The following PPEF2 variants were observed in gnomAD, a reference collection of about 807,000 sequenced individuals.
PPEF2 encodes the protein serine/threonine-protein phosphatase with EF-hands 2.
PPEF2 carries 84 observed loss-of-function variants against 84.7 expected under a neutral mutation model. The observed-to-expected ratio is 0.99, with a 90% CI of 0.83 to 1.19. The LOEUF (loss-of-function observed/expected upper bound fraction) is 1.19, where lower values mean the gene tolerates loss of function less well. PPEF2 is among the 50% of genes most tolerant of loss of function. The probability of loss-of-function intolerance (pLI) is 0.00; values close to 1 mark genes in which losing one functional copy is unlikely to be tolerated. For synonymous variants in PPEF2, 346 were observed against 345.2 expected (o/e 1.00, Z -0.03); for missense variants, 924 against 937.5 (o/e 0.99, Z 0.19).
At chr4:75,881,102 ATTTTT>A (rs33943154) in intron 10 of PPEF2, among the ~76,000 whole-genome samples, 1 of 138,106 alleles carries the variant, frequency 7.2e-6, no homozygotes, top group African/African-American at 2.7e-5. Flanking sequence ...ATCCAGCATA[ATTTTT>A]TTTTTTTTTT....
At position 75,871,927 on chromosome 4, in the gene PPEF2, C is replaced by T. The variant is rs142351049; in HGVS notation, c.1649+98G>A. On this transcript the variant is annotated intron_variant, in intron 13 of 16. Transcript: ENST00000286719. ...GACATAGCCAAATTCTGAATTCTCACGTAGAATTTGAATAAATATAACGTT... is the reference window on the plus strand; with the variant it reads ...GACATAGCCAAATTCTGAATTCTCATGTAGAATTTGAATAAATATAACGTT... 49 of 1,318,410 alleles carry T rather than the reference C, an allele frequency of 3.7e-5. 1 individual carries two copies. The Admixed American group carries it at 3.9e-4, about 10-fold the overall frequency. 81.7% of individuals were successfully genotyped at this position (1,318,410 alleles called of 1,614,324 possible).
intron 11 of PPEF2, 59 bp from the exon 12 acceptor site, chr4:75,873,371 C>A: frequency 1.4e-6 from 2 of 1,428,946 alleles, no homozygotes; most frequent in South Asian, 2.7e-5. Flanking sequence ...CATCCACAGT[C>A]ATTCAAATGA....
Position 75,889,956 on chromosome 4 carries a change from C to G in PPEF2, c.417+1G>C. 1 of 1,614,100 alleles carries G rather than the reference C, an allele frequency of 6.2e-7. No individual in the cohort carries two copies. Among genetic ancestry groups the G allele is most frequent in the South Asian group, 1.1e-5 (1 of 91,070 alleles). ...GACCCAGGTTCCCCAGGTGAGCTTACTTGTTTCAGTCTGAATGCTTCTACC... is the reference window on the plus strand; with the variant it reads ...GACCCAGGTTCCCCAGGTGAGCTTAGTTGTTTCAGTCTGAATGCTTCTACC... On this transcript the variant is annotated splice_donor_variant, in intron 5 of 16. Coordinates refer to ENST00000286719, the MANE Select transcript of PPEF2 (RefSeq NM_006239.3). LOFTEE classifies it high-confidence loss of function.
At chr4:75,896,638 C>T (rs572679525) in intron 1 of PPEF2, among the ~76,000 whole-genome samples, 8 of 152,284 alleles carry the variant, frequency 5.3e-5, no homozygotes, top group Admixed American at 1.3e-4. Context: ...GCAATTCATC[C>T]GCCACCTCCT....
intron 13 of PPEF2, among the ~76,000 whole-genome samples, chr4:75,870,593 C>T (rs1363343619): frequency 6.6e-6 from 1 of 152,148 alleles, no homozygotes; most frequent in Non-Finnish European, 1.5e-5. Flanking sequence ...ATCTTATATA[C>T]TCTGAGGCCA....
intron 16 of PPEF2, among the ~76,000 whole-genome samples, chr4:75,861,794 A>G (rs1724008764): frequency 7.1e-6 from 1 of 140,322 alleles, no homozygotes. Context: ...TATTTTTAGT[A>G]GAGACGGGGT....
rs1235715210 is a variant in PPEF2 at position 75,876,796 on chromosome 4, G to A, written c.934-123C>T. On this transcript the variant is annotated intron_variant, in intron 10 of 16. Transcript: ENST00000286719. ...TGAGCCCAGCAGAACACTCAAGCCC[G>A]GGAGTTCAAGACCAGCTTGAGCAAC... The A allele has an allele frequency of 7.4e-6, 8 of 1,082,870 alleles. No individual in the cohort carries two copies. The East Asian group carries it at 8.0e-5, about 11-fold the overall frequency. 67.1% of individuals were successfully genotyped at this position (1,082,870 alleles called of 1,614,324 possible).
chr4:75,877,006 A>AAAAGAAAGAAAGAAAG lies in PPEF2; in HGVS notation c.934-349_934-334dup, dbSNP rs71657381. ...CTGAGCAACAGAGGGAGACCCTGAA[A>AAAAGAAAGAAAGAAAG]AAAGAAAGAAAGAAAGAAAGAAAGA... is the stretch of plus-strand genomic sequence containing the variant. On this transcript the variant is annotated intron_variant, in intron 10 of 16. Coordinates refer to ENST00000286719, the MANE Select transcript of PPEF2 (RefSeq NM_006239.3). Among the ~76,000 whole-genome samples, 246 of 53,640 alleles carry AAAAGAAAGAAAGAAAG rather than the reference A, an allele frequency of 4.6e-3. 57 individuals are homozygous for AAAAGAAAGAAAGAAAG. Among genetic ancestry groups the AAAAGAAAGAAAGAAAG allele is most frequent in the East Asian group, 0.023 (27 of 1,166 alleles). 35.2% of individuals were successfully genotyped at this position (53,640 alleles called of 152,430 possible).
intron 16 of PPEF2, among the ~76,000 whole-genome samples, chr4:75,862,514 A>C (rs909902971): frequency 1.2e-4 from 18 of 152,056 alleles, no homozygotes; most frequent in African/African-American, 4.1e-4. Context: ...TTTCTCCAAA[A>C]GAGATATACA....
rs1042681098 is a variant in PPEF2 at position 75,862,481 on chromosome 4, T to A, written c.2009-1561A>T. 5.3e-5 allele frequency among the ~76,000 whole-genome samples: 8 copies of A among 151,854 alleles called. No individual in the cohort carries two copies. In the East Asian group the frequency reaches 1.5e-3, roughly 29 times the overall value. On this transcript the variant is annotated intron_variant, in intron 16 of 16. Transcript: ENST00000286719. ...AAAGACAAATAGCCCAATTTAAAAA[T>A]GGACAAAGGATTTGAATAGACATTT...
intron 13 of PPEF2, among the ~76,000 whole-genome samples, chr4:75,869,926 G>A (rs1724229038): frequency 6.6e-6 from 1 of 152,054 alleles, no homozygotes; most frequent in African/African-American, 2.4e-5. Flanking sequence ...CATCAATTAT[G>A]GCTGCTCAGA....
intron 2 of PPEF2, among the ~76,000 whole-genome samples, chr4:75,893,506 A>ACT (rs763577791): frequency 7.3e-6 from 1 of 136,084 alleles, no homozygotes. Context: ...ACACACACAC[A>ACT]CACTCACACA....
chr4:75,866,068 T>C, intron 15 of PPEF2, 121 bp downstream of exon 15: 1 of 1,128,206 alleles, frequency 8.9e-7, no homozygotes, highest in African/African-American at 1.6e-5. Flanking sequence ...GAAATAGTTA[T>C]TCCCCTTTCT....
rs777373766 is a variant in PPEF2, at chr4:75,860,806, T to G, written c.2123A>C (p.Lys708Thr). ...CTCATTGATATCAATGTGGCCATCT[T>G]TGTTGAAATCAATGCTCCGAGCAAG... ...CDLARSIDFN[K>T]DGHIDINEFL... is the part of the protein sequence containing the mutation. The change falls in exon 17 of 17, where the codon AAA becomes ACA. Residue 708 changes from lysine to threonine, a missense_variant. Physicochemically the swap from Lys to Thr is moderately conservative, Grantham distance 78. Coordinates refer to ENST00000286719, the MANE Select transcript of PPEF2 (RefSeq NM_006239.3). 1 of 1,614,256 alleles carries G rather than the reference T, an allele frequency of 6.2e-7. No homozygotes were observed. The highest frequency in any genetic ancestry group is 1.1e-5 in the South Asian group (1 of 91,082).
intron 8 of PPEF2, 70 bp from the exon 9 acceptor site, chr4:75,883,272 T>C: frequency 7.1e-7 from 1 of 1,399,200 alleles, no homozygotes; most frequent in Admixed American, 1.7e-5. Flanking sequence ...ATCACATTTT[T>C]AGAAGAATGC....
chr4:75,886,941 A>G, intron 6 of PPEF2, 43 bp from the exon 7 acceptor site: 3 of 1,084,922 alleles, frequency 2.8e-6, no homozygotes, highest in Non-Finnish European at 4.0e-6. Context: ...ATTGTTCCTT[A>G]CCAGTGCTTC....
chr4:75,888,535 C>A (rs947261166), intron 5 of PPEF2, among the ~76,000 whole-genome samples: 1 of 152,168 alleles, frequency 6.6e-6, no homozygotes, highest in African/African-American at 2.4e-5. Flanking sequence ...ACTTGCCCCC[C>A]CTGCAAATAT....
At chr4:75,899,853 T>A (rs183425083) in intron 1 of PPEF2, among the ~76,000 whole-genome samples, 18 of 152,308 alleles carry the variant, frequency 1.2e-4, no homozygotes, top group Non-Finnish European at 1.8e-4. Context: ...TGCTTGTCAA[T>A]GACTCACAAG....
rs1438280149 is a variant in PPEF2, at chr4:75,891,915, C to T, written c.119G>A (p.Arg40Lys). Residue 40 changes from arginine (R) to lysine (K), a missense_variant, in exon 3 of 17, where the codon AGG becomes AAG. Transcript: ENST00000286719. ...GAAGATGCTCCAGGTGCAACGCCGC[C>T]TCATCTCCAGGCGGGCCACGTAGCG... ...YRRYVARLEM[R>K]RRCTWSIFQS... 6.2e-7 allele frequency: 1 copy of T among 1,614,138 alleles called. No homozygotes were observed. Among genetic ancestry groups the T allele is most frequent in the Admixed American group, 1.7e-5 (1 of 60,022 alleles).
Sources: allele counts gnomAD v4.1 joint callset (sites outside exome capture counted in the v4.1 genomes callset), GRCh38; gene constraint gnomAD v4.1.1; transcripts MANE v1.5; gene names NCBI Gene and HGNC (gene_info 2026-07-23, HGNC 2026-07-21).